Variants in DNAH10 observed in about 807,000 individuals in gnomAD.
DNAH10 encodes the protein axonemal beta dynein heavy chain 10.
In DNAH10, 348 loss-of-function variants were observed where a neutral mutation model predicts 506.6. The observed-to-expected ratio is 0.69, with a 90% CI of 0.63 to 0.75. The LOEUF (loss-of-function observed/expected upper bound fraction) is 0.75, where lower values mean the gene tolerates loss of function less well. Among genes scored for constraint, DNAH10 ranks in the 30% least tolerant of loss-of-function variants. The pLI, the probability that DNAH10 is intolerant of heterozygous loss-of-function variation, is 0.00. For synonymous variants in DNAH10, 2,059 were observed against 2,198.6 expected (o/e 0.94, Z 1.78); for missense variants, 5,179 against 5,787.1 (o/e 0.89, Z 3.41).
Position 123,768,944 on chromosome 12 carries a change from G to T in DNAH10, c.298+1255G>T, listed in dbSNP as rs150022093. Among the ~76,000 whole-genome samples, 56 of 152,248 alleles carry T rather than the reference G, an allele frequency of 3.7e-4. No homozygotes were observed. The East Asian group carries it at 9.7e-3, about 26-fold the overall frequency. Reference sequence around the variant, plus strand: ...TGTAGAGATGGGGTCTCACTATGTTGCCCAGGCTGGTCTTGAAGTCCTGGG... The same window carrying T: ...TGTAGAGATGGGGTCTCACTATGTTTCCCAGGCTGGTCTTGAAGTCCTGGG... On this transcript the variant is annotated intron_variant, in intron 2 of 78. Coordinates refer to ENST00000673944, the MANE Select transcript of DNAH10 (RefSeq NM_001372106.1).
chr12:123,840,998 A>C (rs1950755170), intron 29 of DNAH10, among the ~76,000 whole-genome samples: 1 of 151,976 alleles, frequency 6.6e-6, no homozygotes, highest in African/African-American at 2.4e-5. Context: ...GGTGTTAATC[A>C]CCCTTCCGCC....
At position 123,934,680 on chromosome 12, in the gene DNAH10, C is replaced by T; in HGVS notation, c.13537C>T (p.Leu4513Phe). Residue 4513 changes from leucine (L) to phenylalanine (F), a missense_variant, in exon 78 of 79, where the codon CTT (leucine) becomes TTT (phenylalanine). By Grantham distance (22) the Leu-to-Phe change is conservative. This residue lies in a region of DNAH10 where 4,844 missense variants were observed against 5,430.5 expected (regional missense o/e 0.89). Transcript: ENST00000673944. ...TGACTGGGATATAGAAAAAGGATGT[C>T]TTATCAAGAGCAAACCCAAGGTGCT... ...GADWDIEKGC[L>F]IKSKPKVLVV... is the part of the protein sequence containing the mutation. 8 of 1,613,782 alleles carry T rather than the reference C, an allele frequency of 5.0e-6. No homozygotes were observed. The highest frequency in any genetic ancestry group is 6.8e-6 in the Non-Finnish European group (8 of 1,179,772).
chr12:123,867,749 G>A, intron 42 of DNAH10, 148 bp downstream of exon 42: 1 of 1,356,942 alleles, frequency 7.4e-7, no homozygotes, highest in Non-Finnish European at 1.0e-6. Flanking sequence ...TTGCTTTTGT[G>A]CAAGTCAAGA....
chr12:123,852,665 C>T (rs1225281106), intron 35 of DNAH10, among the ~76,000 whole-genome samples: 1 of 152,024 alleles, frequency 6.6e-6, no homozygotes, highest in Non-Finnish European at 1.5e-5. Flanking sequence ...CTCTGTCTCC[C>T]AGGTTCAAGC....
At position 123,879,367 on chromosome 12, in the gene DNAH10, T is replaced by A. The variant is rs192385577; in HGVS notation, c.8466+10T>A. On this transcript the variant is annotated intron_variant, in intron 49 of 78. Transcript: ENST00000673944. ...AACAGACAAGCAGCTGGTCAGTACA[T>A]CCAATGCTTCTTCTCAGGAAATTCT... 1.9e-6 allele frequency: 3 copies of A among 1,555,898 alleles called. No individual in the cohort carries two copies. Among genetic ancestry groups the A allele is most frequent in the African/African-American group, 1.4e-5 (1 of 73,264 alleles).
rs1957761501 is a variant in DNAH10, at chr12:123,784,025, C to T, written c.1078C>T (p.Leu360Phe). ...AAGTGCGCTGCATGAACAAACAAAG[C>T]TTCCAATAGTCAGAAAAGTCTTGGA... ...TLSALHEQTK[L>F]PIVRKVLDVI... The change falls in exon 8 of 79, where the codon CTT becomes TTT. Residue 360 changes from leucine (L) to phenylalanine (F), a missense_variant. This residue lies in a region of DNAH10 where 4,844 missense variants were observed against 5,430.5 expected (regional missense o/e 0.89). Coordinates refer to ENST00000673944, the MANE Select transcript of DNAH10 (RefSeq NM_001372106.1). 6.2e-7 allele frequency: 1 copy of T among 1,614,234 alleles called. No homozygotes were observed. Among genetic ancestry groups the T allele is most frequent in the Non-Finnish European group, 8.5e-7 (1 of 1,180,042 alleles).
Position 123,903,523 on chromosome 12 carries a change from C to T in DNAH10, c.9815+410C>T, listed in dbSNP as rs140642998. Among the ~76,000 whole-genome samples the T allele has an allele frequency of 0.015, 2,309 of 152,306 alleles. 29 individuals are homozygous for T. Among genetic ancestry groups the T allele is most frequent in the Middle Eastern group, 0.034 (10 of 294 alleles). ...TGTGTGCACACCACGGCCGGACTGGCGATGCCTGAATCCATTTCCAGCCAA... is the reference window on the plus strand; with the variant it reads ...TGTGTGCACACCACGGCCGGACTGGTGATGCCTGAATCCATTTCCAGCCAA... On this transcript the variant is annotated intron_variant, in intron 57 of 78. Transcript: ENST00000673944. This position sits in a 1 kb window ranked among gnomAD's most constrained non-coding sequence, Gnocchi z 4.6.
At chr12:123,930,964 C>T (rs1208274753) in intron 73 of DNAH10, among the ~76,000 whole-genome samples, 1 of 152,140 alleles carries the variant, frequency 6.6e-6, no homozygotes, top group Non-Finnish European at 1.5e-5. Flanking sequence ...GGGCAGATCG[C>T]TTGAGCCCAG....
chr12:123,914,361 G>A lies in DNAH10; in HGVS notation c.10385G>A (p.Arg3462Gln), dbSNP rs368816100. The change falls in exon 61 of 79, where the codon CGG (arginine) becomes CAG (glutamine). Residue 3462 changes from arginine (R) to glutamine (Q), a missense_variant. This residue lies in a region of DNAH10 where 4,844 missense variants were observed against 5,430.5 expected (regional missense o/e 0.89). Coordinates refer to ENST00000673944, the MANE Select transcript of DNAH10 (RefSeq NM_001372106.1). ...AACGACCTGGATGAGCTGATGCACCGGCGCGTGAAGCTGCTGGGGGACTGC... is the reference window on the plus strand; with the variant it reads ...AACGACCTGGATGAGCTGATGCACCAGCGCGTGAAGCTGCTGGGGGACTGC... ...WLNDLDELMHRRVKLLGDCLL... is the reference protein window; with the variant it reads ...WLNDLDELMHQRVKLLGDCLL... 2.0e-5 allele frequency: 33 copies of A among 1,613,098 alleles called. No homozygotes were observed. Among genetic ancestry groups the A allele is most frequent in the Middle Eastern group, 3.3e-4 (2 of 6,084 alleles).
Position 123,923,760 on chromosome 12 carries a change from CA to C in DNAH10, c.11507-2del. Reference sequence around the variant, plus strand: ...TCAATACTCATCTGATGTTTCCCTCCAGGGCTGTTTGAGAGGCACAAGCTAC... The same window carrying C: ...TCAATACTCATCTGATGTTTCCCTCCGGGCTGTTTGAGAGGCACAAGCTAC... On this transcript the variant is annotated splice_acceptor_variant, in intron 65 of 78. Transcript: ENST00000673944. LOFTEE classifies it high-confidence loss of function. 6.2e-7 allele frequency: 1 copy of C among 1,600,938 alleles called. No homozygotes were observed. Among genetic ancestry groups the C allele is most frequent in the Non-Finnish European group, 8.5e-7 (1 of 1,175,260 alleles).
intron 57 of DNAH10, among the ~76,000 whole-genome samples, chr12:123,904,056 C>T (rs899575388): frequency 3.3e-5 from 5 of 152,342 alleles, no homozygotes; most frequent in South Asian, 2.1e-4. Context: ...GGCTGAGCAG[C>T]GCTCCTTGTC....
At chr12:123,807,266 C>A (rs1280931023) in intron 18 of DNAH10, among the ~76,000 whole-genome samples, 1 of 152,080 alleles carries the variant, frequency 6.6e-6, no homozygotes, top group Non-Finnish European at 1.5e-5. Flanking sequence ...CCTGTGCTGC[C>A]TGTTGGATTA....
chr12:123,846,408 C>T lies in DNAH10; in HGVS notation c.5814+254C>T, dbSNP rs111635210. On this transcript the variant is annotated intron_variant, in intron 32 of 78. Transcript: ENST00000673944. The surrounding 1 kb of genome is among the most constrained non-coding windows in gnomAD (Gnocchi z 4.5). Reference sequence around the variant, plus strand: ...TCAGGGGTATTGGTAGAGGCCAATGCGAAAATGCAGGAATGTCAAAGGTGG... The same window carrying T: ...TCAGGGGTATTGGTAGAGGCCAATGTGAAAATGCAGGAATGTCAAAGGTGG... Among the ~76,000 whole-genome samples, 3 of 152,084 alleles carry T rather than the reference C, an allele frequency of 2.0e-5. No homozygotes were observed. The highest frequency in any genetic ancestry group is 2.9e-5 in the Non-Finnish European group (2 of 67,988).
At chr12:123,921,479 G>A (rs966129820) in intron 65 of DNAH10, among the ~76,000 whole-genome samples, 8 of 152,260 alleles carry the variant, frequency 5.3e-5, no homozygotes, top group Non-Finnish European at 1.0e-4. Context: ...AGGGGATCTG[G>A]GATCTGACGG....
intron 5 of DNAH10, among the ~76,000 whole-genome samples, chr12:123,778,370 T>C (rs1957520300): frequency 1.3e-5 from 2 of 152,130 alleles, no homozygotes; most frequent in African/African-American, 2.4e-5. Context: ...TCAGTAAGGA[T>C]AAAATTGCAG....
intron 5 of DNAH10, among the ~76,000 whole-genome samples, chr12:123,777,407 A>G (rs1957481069): frequency 6.6e-6 from 1 of 152,218 alleles, no homozygotes; most frequent in Non-Finnish European, 1.5e-5. Context: ...GGCAAAGAAG[A>G]GCTGGAGGGC....
At chr12:123,865,192 A>G (rs1156542624) in intron 40 of DNAH10, among the ~76,000 whole-genome samples, 3 of 152,098 alleles carry the variant, frequency 2.0e-5, no homozygotes, top group African/African-American at 7.2e-5. Flanking sequence ...TTTTAGAGCC[A>G]TTTCCTTTGT....
At chr12:123,820,938 A>T (rs913827268) in intron 24 of DNAH10, among the ~76,000 whole-genome samples, 180 bp downstream of exon 24, 1 of 152,308 alleles carries the variant, frequency 6.6e-6, no homozygotes, top group East Asian at 1.9e-4. Flanking sequence ...CAGGGTTTCC[A>T]TTTGGGGTGT....
chr12:123,879,752 G>T lies in DNAH10; in HGVS notation c.8585G>T (p.Arg2862Leu), dbSNP rs376242111. Residue 2862 changes from arginine (R) to leucine (L), a missense_variant, in exon 50 of 79, where the codon CGC (arginine) becomes CTC (leucine). Transcript: ENST00000673944. The stretch of plus-strand genomic sequence containing the variant: ...ATGGCTCTGCACGAAGGAGAACCAC[G>T]CATTTATGAAGACATCCAGGACTAC... ...FQMALHEGEP[R>L]IYEDIQDYEA... is the part of the protein sequence containing the mutation. 1 of 1,614,032 alleles carries T rather than the reference G, an allele frequency of 6.2e-7. No homozygotes were observed. Among genetic ancestry groups the T allele is most frequent in the East Asian group, 2.2e-5 (1 of 44,886 alleles).
Sources: gnomAD v4.1 joint callset for allele counts (sites outside exome capture counted in the v4.1 genomes callset) on GRCh38, gnomAD v4.1.1 for gene constraint, gnomAD v4.1.1 regional missense constraint, Gnocchi (gnomAD v3.1) non-coding constraint, MANE v1.5 for transcripts, NCBI Gene and HGNC (gene_info 2026-07-23, HGNC 2026-07-21) for gene names.